ELOVL6: variants seen among roughly 807,000 people sequenced by gnomAD.
ELOVL6 encodes ELOVL fatty acid elongase 6, also known as very long chain fatty acid elongase 6.
Under a neutral mutation model 31.7 loss-of-function variants are expected in ELOVL6, and 8 were observed. The observed-to-expected ratio is 0.25, with a 90% CI of 0.15 to 0.45. The LOEUF (loss-of-function observed/expected upper bound fraction) is 0.45. Among genes scored for constraint, ELOVL6 ranks in the 20% least tolerant of loss-of-function variants. ELOVL6 has a pLI of 1.00. For synonymous variants in ELOVL6, 101 were observed against 117.7 expected (o/e 0.86, Z 0.92); for missense variants, 126 against 326.4 (o/e 0.39, Z 4.73).
At chr4:110,192,667 T>G (rs1454767032) in intron 1 of ELOVL6, among the ~76,000 whole-genome samples, 1 of 152,226 alleles carries the variant, frequency 6.6e-6, no homozygotes, top group Non-Finnish European at 1.5e-5. Flanking sequence ...TATTTATAAT[T>G]TATTAAAAGA....
At chr4:110,152,274 CTAAA>C (rs1329199089) in intron 1 of ELOVL6, among the ~76,000 whole-genome samples, 2 of 152,170 alleles carry the variant, frequency 1.3e-5, no homozygotes, top group East Asian at 3.8e-4. Context: ...AGAGAATTAA[CTAAA>C]TACACGATCA....
At chr4:110,072,986 T>A (rs1369148457) in intron 2 of ELOVL6, among the ~76,000 whole-genome samples, 1 of 152,224 alleles carries the variant, frequency 6.6e-6, no homozygotes, top group African/African-American at 2.4e-5. Context: ...TTTTTATATA[T>A]GTGTATACAA....
At chr4:110,117,048 C>T (rs933590297) in intron 1 of ELOVL6, among the ~76,000 whole-genome samples, 3 of 152,198 alleles carry the variant, frequency 2.0e-5, no homozygotes, top group African/African-American at 7.2e-5. Flanking sequence ...TCTCTTTTGG[C>T]CTCCACCATG....
At chr4:110,070,923 A>G (rs1267192643) in intron 2 of ELOVL6, among the ~76,000 whole-genome samples, 3 of 152,194 alleles carry the variant, frequency 2.0e-5, no homozygotes, top group Non-Finnish European at 4.4e-5. Flanking sequence ...CTTTGTAGCA[A>G]TGTAAGAAGG....
At chr4:110,150,602 C>T (rs1758250257) in intron 1 of ELOVL6, among the ~76,000 whole-genome samples, 2 of 152,054 alleles carry the variant, frequency 1.3e-5, no homozygotes, top group Admixed American at 1.3e-4. Context: ...ACTAAAAATG[C>T]TTAAAATTCT....
At chr4:110,110,744 CA>C (rs1313439727) in intron 1 of ELOVL6, among the ~76,000 whole-genome samples, 1 of 152,074 alleles carries the variant, frequency 6.6e-6, no homozygotes, top group Admixed American at 6.5e-5. Context: ...GAAATTCTGA[CA>C]AACAATTTTG....
chr4:110,130,701 T>G (rs983167467), intron 1 of ELOVL6, among the ~76,000 whole-genome samples: 1 of 152,202 alleles, frequency 6.6e-6, no homozygotes, highest in Admixed American at 6.5e-5. Flanking sequence ...ATTGGATAGT[T>G]CCCTTTAAGC....
chr4:110,149,658 C>T (rs560157547), intron 1 of ELOVL6, among the ~76,000 whole-genome samples: 1 of 152,058 alleles, frequency 6.6e-6, no homozygotes, highest in Admixed American at 6.6e-5. Flanking sequence ...TTGGTGGGTA[C>T]GAAGTGTGTT....
At chr4:110,192,944 C>G (rs1042539216) in intron 1 of ELOVL6, among the ~76,000 whole-genome samples, 1 of 152,186 alleles carries the variant, frequency 6.6e-6, no homozygotes, top group African/African-American at 2.4e-5. Context: ...TATATTCCTA[C>G]AGAGCTGACC....
intron 2 of ELOVL6, among the ~76,000 whole-genome samples, chr4:110,103,460 T>G (rs1312952654): frequency 6.7e-6 from 1 of 148,856 alleles, no homozygotes; most frequent in Non-Finnish European, 1.5e-5. Context: ...CTAACTAACT[T>G]AAAAAAAAAA....
chr4:110,130,721 C>T (rs1470752808), intron 1 of ELOVL6, among the ~76,000 whole-genome samples: 2 of 152,180 alleles, frequency 1.3e-5, no homozygotes, highest in South Asian at 2.1e-4. Context: ...CAAAACATAT[C>T]GTGTGGGCTG....
chr4:110,102,938 G>C (rs999996498), intron 2 of ELOVL6, among the ~76,000 whole-genome samples: 3 of 123,840 alleles, frequency 2.4e-5, no homozygotes, highest in African/African-American at 9.2e-5. Flanking sequence ...CGGGGGGCGG[G>C]TAGGGGGTGG....
intron 2 of ELOVL6, among the ~76,000 whole-genome samples, chr4:110,102,167 C>T (rs1026803325): frequency 2.0e-5 from 3 of 152,160 alleles, no homozygotes; most frequent in Non-Finnish European, 2.9e-5. Flanking sequence ...TTAAGATCCA[C>T]TTTTTAAAAC....
At chr4:110,161,925 A>T (rs895657105) in intron 1 of ELOVL6, among the ~76,000 whole-genome samples, 25 of 152,342 alleles carry the variant, frequency 1.6e-4, no homozygotes, top group African/African-American at 6.0e-4. Context: ...GTGACTTTAC[A>T]GAACATATCT....
At chr4:110,111,261 A>C (rs72679225) in intron 1 of ELOVL6, among the ~76,000 whole-genome samples, 1 of 152,218 alleles carries the variant, frequency 6.6e-6, no homozygotes, top group Non-Finnish European at 1.5e-5. Context: ...GGGAGAAAAT[A>C]CTCTCAAAAT....
intron 1 of ELOVL6, among the ~76,000 whole-genome samples, chr4:110,190,144 C>T (rs919363972): frequency 6.6e-6 from 1 of 151,668 alleles, no homozygotes; most frequent in African/African-American, 2.4e-5. Context: ...AAAAGTATTA[C>T]AAAACTATGA....
rs140593620 is a variant in ELOVL6 at position 110,169,238 on chromosome 4, G to GTTT, written c.89+29006_89+29008dup. On this transcript the variant is annotated intron_variant, in intron 1 of 3. Coordinates refer to ENST00000302274, the MANE Select transcript of ELOVL6 (RefSeq NM_024090.3). ...CCCCAACAGAGTTTTGGGGTTTTTT[G>GTTT]TTTTGTTTTTTTTTTTTTGAGACGG... is the stretch of plus-strand genomic sequence containing the variant. 6.4e-3 allele frequency among the ~76,000 whole-genome samples: 878 copies of GTTT among 136,722 alleles called. 68 individuals carry two copies. The highest frequency in any genetic ancestry group is 9.3e-3 in the Non-Finnish European group (601 of 64,634). 89.7% of individuals were successfully genotyped at this position (136,722 alleles called of 152,430 possible). A position where few individuals can be genotyped will look rare whatever the true frequency, so the allele number is the denominator to read the frequency against.
Position 110,116,416 on chromosome 4 carries a change from C to T in ELOVL6, c.90-10788G>A, listed in dbSNP as rs116644518. Among the ~76,000 whole-genome samples the T allele has an allele frequency of 8.5e-3, 1,295 of 152,220 alleles. 21 individuals are homozygous for T. The highest frequency in any genetic ancestry group is 0.03 in the African/African-American group (1,228 of 41,530). On this transcript the variant is annotated intron_variant, in intron 1 of 3. Transcript: ENST00000302274. Reference sequence around the variant, plus strand: ...AGAAAGCATTTTAGAATCCAAAGGGCGAGAGCAACACTCTTATGGAGATTG... The same window carrying T: ...AGAAAGCATTTTAGAATCCAAAGGGTGAGAGCAACACTCTTATGGAGATTG...
At chr4:110,192,501 C>T (rs1471201074) in intron 1 of ELOVL6, among the ~76,000 whole-genome samples, 1 of 152,132 alleles carries the variant, frequency 6.6e-6, no homozygotes, top group Non-Finnish European at 1.5e-5. Flanking sequence ...CTCTGAAGAT[C>T]ACAAAATTTT....
Sources: gnomAD v4.1 joint callset for allele counts (sites outside exome capture counted in the v4.1 genomes callset) on GRCh38, gnomAD v4.1.1 for gene constraint, MANE v1.5 for transcripts, NCBI Gene and HGNC (gene_info 2026-07-23, HGNC 2026-07-21) for gene names.